CNN1: variants seen among roughly 807,000 people sequenced by gnomAD.
CNN1 encodes calponin 1.
CNN1 carries 21 observed loss-of-function variants against 35.3 expected under a neutral mutation model. The observed-to-expected ratio is 0.60, with a 90% CI of 0.42 to 0.86. The LOEUF is 0.86. Ranked by LOEUF, CNN1 falls within the 40% of genes least tolerant of loss-of-function variation. The probability of loss-of-function intolerance (pLI) is 0.00; values close to 1 mark genes in which losing one functional copy is unlikely to be tolerated. For missense variants in CNN1, 314 were observed against 400.8 expected (o/e 0.78, Z 1.85); for synonymous variants, 164 against 161.8 (o/e 1.01, Z -0.10).
intron 5 of CNN1, among the ~76,000 whole-genome samples, chr19:11,548,902 A>G (rs977644193): frequency 3.9e-5 from 6 of 151,998 alleles, no homozygotes; most frequent in African/African-American, 1.4e-4. Context: ...AAACTAAAAA[A>G]TGGGCCAGGC....
intron 1 of CNN1, chr19:11,539,381 G>C (rs564404335): frequency 1.9e-6 from 2 of 1,068,384 alleles, no homozygotes; most frequent in African/African-American, 3.4e-5. Context: ...GGGAAGTGAC[G>C]CCGTGAAAGT....
At chr19:11,540,020 A>G in intron 1 of CNN1, 1 of 1,058,256 alleles carries the variant, frequency 9.4e-7, no homozygotes, top group Non-Finnish European at 1.1e-6. Flanking sequence ...GGCCAGGGCC[A>G]GGTGAGGGGG....
Position 11,546,861 on chromosome 19 carries a change from C to T in CNN1, c.282C>T (p.Ala94=), listed in dbSNP as rs540481534. The change falls in exon 4 of 7, where the codon GCC becomes GCT. Residue 94 remains alanine (A), a synonymous_variant. Transcript: ENST00000252456. Reference sequence around the variant, plus strand: ...AGAACATCGGCAACTTCATCAAGGCCATCACCAAGTATGGGGTGAAGCCCC... The same window carrying T: ...AGAACATCGGCAACTTCATCAAGGCTATCACCAAGTATGGGGTGAAGCCCC... ...QLENIGNFIK[A]ITKYGVKPHD... is the part of the protein sequence containing the mutation. The T allele has an allele frequency of 1.9e-6, 3 of 1,614,252 alleles. No homozygotes were observed. The highest frequency in any genetic ancestry group is 2.5e-6 in the Non-Finnish European group (3 of 1,180,052).
chr19:11,546,892 A>G lies in CNN1; in HGVS notation c.313A>G (p.Ile105Val), dbSNP rs774820435. Residue 105 changes from isoleucine to valine, a missense_variant, in exon 4 of 7, where the codon ATT (isoleucine) becomes GTT (valine). Ile to Val is a conservative substitution (Grantham distance 29). Transcript: ENST00000252456. ...CAAGTATGGGGTGAAGCCCCACGAC[A>G]TTTTTGAGGCCAACGACCTGTTTGA... ...ITKYGVKPHD[I>V]FEANDLFENT... is the part of the protein sequence containing the mutation. 19 of 1,614,116 alleles carry G rather than the reference A, an allele frequency of 1.2e-5. No homozygotes were observed. Among genetic ancestry groups the G allele is most frequent in the African/African-American group, 2.7e-5 (2 of 74,946 alleles).
chr19:11,540,000 G>A (rs1357693301), intron 1 of CNN1: 7 of 1,066,986 alleles, frequency 6.6e-6, no homozygotes, highest in Non-Finnish European at 8.0e-6. Context: ...GGTGGCGTGG[G>A]GGGCGGCAGG....
intron 2 of CNN1, 145 bp downstream of exon 2, chr19:11,541,342 T>TG: frequency 1.9e-6 from 2 of 1,080,708 alleles, no homozygotes; most frequent in Non-Finnish European, 2.5e-6. Context: ...ATTGTGCCCA[T>TG]TTAACAGGCA....
In CNN1 at chr19:11,539,526, G is replaced by T. The variant is rs929140053; in HGVS notation, c.63+536G>T. On this transcript the variant is annotated intron_variant, in intron 1 of 6. Transcript: ENST00000252456. ...TCATGCTATGGTTGGGTAAACTGAG[G>T]TTCGGAGAGGAGAGGCAAATAGCTG... The T allele has an allele frequency of 3.5e-6, 4 of 1,137,566 alleles. No homozygotes were observed. The Admixed American group carries it at 1.3e-4, about 37-fold the overall frequency. 70.5% of individuals were successfully genotyped at this position (1,137,566 alleles called of 1,614,324 possible). A position where few individuals can be genotyped will look rare whatever the true frequency, so the allele number is the denominator to read the frequency against.
chr19:11,548,903 T>C (rs1972650751), intron 5 of CNN1, among the ~76,000 whole-genome samples: 1 of 151,664 alleles, frequency 6.6e-6, no homozygotes, highest in African/African-American at 2.4e-5. Context: ...AACTAAAAAA[T>C]GGGCCAGGCA....
At chr19:11,541,793 A>G (rs972257540) in intron 2 of CNN1, 2 of 149,388 alleles carry the variant, frequency 1.3e-5, no homozygotes, top group Non-Finnish European at 3.0e-5. Flanking sequence ...GGGTTTCACC[A>G]TGTTGGCCAG....
At chr19:11,540,111 T>A in intron 1 of CNN1, 2 of 982,950 alleles carry the variant, frequency 2.0e-6, no homozygotes, top group Non-Finnish European at 2.4e-6. Flanking sequence ...CTGGCTGGGC[T>A]TGGGCGGAGG....
intron 1 of CNN1, chr19:11,539,321 T>A: frequency 9.1e-7 from 1 of 1,097,476 alleles, no homozygotes; most frequent in East Asian, 7.5e-5. Context: ...TTTTTCCATA[T>A]CCCCCGGCCT....
chr19:11,547,777 G>C lies in CNN1; in HGVS notation c.391-20G>C. On this transcript the variant is annotated intron_variant, in intron 4 of 6. Transcript: ENST00000252456. ...CCTGGAGGCCCCCTTGTCAGTCCCT[G>C]CTTTCCCTGCCCCACCTAGGCGAAG... The C allele has an allele frequency of 4.4e-6, 7 of 1,608,222 alleles. No homozygotes were observed. Among genetic ancestry groups the C allele is most frequent in the Non-Finnish European group, 6.0e-6 (7 of 1,175,798 alleles).
chr19:11,539,243 C>A, intron 1 of CNN1: 1 of 1,255,268 alleles, frequency 8.0e-7, no homozygotes. Context: ...CAAAGATACC[C>A]ACCTGATCAG....
Position 11,549,541 on chromosome 19 carries a change from C to G in CNN1, c.649-9C>G. ...CCACCCCACGGCCTGACCACACCAC[C>G]CTTCGCAGGCTGGCATGACTGCGCC... On this transcript the variant is annotated splice_polypyrimidine_tract_variant and intron_variant, in intron 6 of 6. Transcript: ENST00000252456. This position sits in a 1 kb window ranked among gnomAD's most constrained non-coding sequence, Gnocchi z 5.2. 6.3e-7 allele frequency: 1 copy of G among 1,598,236 alleles called. No individual in the cohort carries two copies.
At chr19:11,544,813 C>T (rs1300702495) in intron 2 of CNN1, among the ~76,000 whole-genome samples, 2 of 151,800 alleles carry the variant, frequency 1.3e-5, no homozygotes, top group African/African-American at 4.8e-5. Flanking sequence ...CTACAGAGGG[C>T]ATTTTAGGCA....
intron 2 of CNN1, 22 bp downstream of exon 2, chr19:11,541,219 G>A (rs1036383853): frequency 2.0e-6 from 3 of 1,534,336 alleles, no homozygotes; most frequent in Admixed American, 1.9e-5. Context: ...TCTCGAAGCC[G>A]AGACCCTGCA....
Position 11,546,696 on chromosome 19 carries a change from A to C in CNN1, c.207A>C (p.Pro69=), listed in dbSNP as rs781366485. 79 of 1,614,042 alleles carry C rather than the reference A, an allele frequency of 4.9e-5. No homozygotes were observed. In the Admixed American group the frequency reaches 1.3e-3, roughly 27 times the overall value. ...TCAGATTCATCAATAAGCTGCAGCC[A>C]GGCTCCGTGAAGAAGATCAATGAGT... ...ILCEFINKLQ[P]GSVKKINEST... is the part of the protein sequence containing the mutation. The change falls in exon 3 of 7, where the codon CCA becomes CCC. Residue 69 remains proline (P), a synonymous_variant. Coordinates refer to ENST00000252456, the MANE Select transcript of CNN1 (RefSeq NM_001299.6).
rs762912907 is a variant in CNN1, at chr19:11,547,878, AGAG to A, written c.473_475del (p.Arg158_Glu159delinsLys). 6 of 1,614,060 alleles carry A rather than the reference AGAG, an allele frequency of 3.7e-6. No homozygotes were observed. The South Asian group carries it at 6.6e-5, about 18-fold the overall frequency. On this transcript the variant is annotated inframe_deletion, in exon 5 of 7. Transcript: ENST00000252456. ...GCGGAAATTCGAGCCGGGGAAGCTA[AGAG>A]AAGGGCGGAACATCATTGGGCTGCA...
Position 11,549,984 on chromosome 19 carries a change from C to G in CNN1, c.*189C>G. On this transcript the variant is annotated 3_prime_UTR_variant, in exon 7 of 7. Coordinates refer to ENST00000252456, the MANE Select transcript of CNN1 (RefSeq NM_001299.6). This position sits in a 1 kb window ranked among gnomAD's most constrained non-coding sequence, Gnocchi z 5.2. ...GCCCATTGGGGGGAAGGGGACCCTC[C>G]GCTCTGTAGTGCTACAGGGTCCAAC... The G allele has an allele frequency of 1.2e-6, 1 of 817,802 alleles. No homozygotes were observed. Among genetic ancestry groups the G allele is most frequent in the Non-Finnish European group, 1.9e-6 (1 of 536,536 alleles). The allele number at this position is 817,802 out of a possible 1,614,324, so 50.7% of individuals were successfully genotyped here.
Sources: gnomAD v4.1 joint callset for allele counts (sites outside exome capture counted in the v4.1 genomes callset) on GRCh38, gnomAD v4.1.1 for gene constraint, Gnocchi (gnomAD v3.1) non-coding constraint, MANE v1.5 for transcripts, NCBI Gene and HGNC (gene_info 2026-07-23, HGNC 2026-07-21) for gene names.